BACE2: variants seen among roughly 807,000 people sequenced by gnomAD.
The protein encoded by BACE2 is beta-secretase 2.
A neutral mutation model predicts 46.2 loss-of-function variants in BACE2; 17 were observed. That is an observed-to-expected ratio of 0.37 (90% CI 0.25 to 0.55). BACE2 has a LOEUF of 0.55. Ranked by LOEUF, BACE2 falls within the 20% of genes least tolerant of loss-of-function variation. The pLI is 0.82. For missense variants in BACE2, 595 were observed against 698.1 expected (o/e 0.85, Z 1.66); for synonymous variants, 277 against 295.9 (o/e 0.94, Z 0.66).
intron 1 of BACE2, among the ~76,000 whole-genome samples, chr21:41,197,770 T>C (rs949619242): frequency 2.6e-5 from 4 of 152,174 alleles, no homozygotes; most frequent in African/African-American, 9.7e-5. Context: ...ATGAGGAAAC[T>C]GAAGCACAGA....
chr21:41,207,586 G>A (rs1191004376), intron 1 of BACE2, among the ~76,000 whole-genome samples: 1 of 152,128 alleles, frequency 6.6e-6, no homozygotes, highest in Admixed American at 6.5e-5. Context: ...GCTCTATAGA[G>A]AAAGCACTCC....
chr21:41,214,891 A>T (rs1002510823), intron 1 of BACE2, among the ~76,000 whole-genome samples: 2 of 146,972 alleles, frequency 1.4e-5, no homozygotes, highest in Non-Finnish European at 3.1e-5. Context: ...GGGGCACAGA[A>T]GCCTTGGGAA....
chr21:41,171,484 G>A (rs1984607862), intron 1 of BACE2, among the ~76,000 whole-genome samples: 1 of 152,234 alleles, frequency 6.6e-6, no homozygotes, highest in African/African-American at 2.4e-5. Flanking sequence ...TGCAAGGCGT[G>A]TGTGCTGGCA....
intron 1 of BACE2, among the ~76,000 whole-genome samples, chr21:41,191,454 G>T (rs1482196532): frequency 6.6e-6 from 1 of 152,212 alleles, no homozygotes; most frequent in Non-Finnish European, 1.5e-5. Flanking sequence ...AGCATTGTGT[G>T]CAGGATAGGC....
chr21:41,226,353 A>G lies in BACE2; in HGVS notation c.400A>G (p.Arg134Gly). The change falls in exon 2 of 9, where the codon AGG becomes GGG. Residue 134 changes from arginine (R) to glycine (G), a missense_variant and splice_region_variant. By Grantham distance (125) the Arg-to-Gly change is moderately radical (BLOSUM62 -2). Around this residue, in one of 3 missense-constraint regions of BACE2, gnomAD observed 248 missense variants for 261.4 expected, o/e 0.95. Transcript: ENST00000330333. ...CATAGACACGTACTTTGACACAGAG[A>G]GGTAAGCGCTGGCCCCTTGGCTGGT... is the stretch of plus-strand genomic sequence containing the variant. The part of the protein sequence containing the change: ...SYIDTYFDTE[R>G]SSTYRSKGFD... The G allele has an allele frequency of 6.2e-7, 1 of 1,613,238 alleles. No homozygotes were observed. Among genetic ancestry groups the G allele is most frequent in the Admixed American group, 1.7e-5 (1 of 59,856 alleles).
In BACE2 at chr21:41,281,859, G is replaced by A. The variant is rs2297276; in HGVS notation, c.*6235G>A. ...TCATCTCTCACATTTATATCAGTGA[G>A]GTTTGAAATTCTGTGTAGCAGTTAC... On this transcript the variant is annotated 3_prime_UTR_variant, in exon 9 of 9. Coordinates refer to ENST00000330333, the MANE Select transcript of BACE2 (RefSeq NM_012105.5). 7 of 152,240 alleles carry A rather than the reference G, an allele frequency of 4.6e-5. No homozygotes were observed. The East Asian group carries it at 1.2e-3, about 25-fold the overall frequency. 9.4% of individuals were successfully genotyped at this position (152,240 alleles called of 1,614,324 possible).
intron 1 of BACE2, among the ~76,000 whole-genome samples, chr21:41,199,537 G>A (rs1450383543): frequency 2.6e-5 from 4 of 152,166 alleles, no homozygotes; most frequent in Admixed American, 6.5e-5. Context: ...GGTTGCCCAA[G>A]GAGTAGGGCA....
intron 4 of BACE2, 37 bp from the exon 5 acceptor site, chr21:41,243,339 T>C: frequency 2.0e-6 from 3 of 1,527,198 alleles, no homozygotes; most frequent in Non-Finnish European, 2.6e-6. Context: ...TGTCTGTGTA[T>C]TTTTTCTCTT....
chr21:41,248,133 C>G (rs1012301662), intron 6 of BACE2, among the ~76,000 whole-genome samples: 1 of 152,214 alleles, frequency 6.6e-6, no homozygotes, highest in Non-Finnish European at 1.5e-5. Context: ...GGCACCGAGA[C>G]CTGGGCTCGT....
rs1158778775 is a variant in BACE2, at chr21:41,280,705, T to C, written c.*5081T>C. 6.6e-6 allele frequency: 1 copy of C among 152,236 alleles called. No individual in the cohort carries two copies. Among genetic ancestry groups the C allele is most frequent in the Non-Finnish European group, 1.5e-5 (1 of 68,048 alleles). The allele number at this position is 152,236 out of a possible 1,614,324, so 9.4% of individuals were successfully genotyped here. On this transcript the variant is annotated 3_prime_UTR_variant, in exon 9 of 9. Transcript: ENST00000330333. ...CGCTGCTTAGTGCTGCCAGCGAACC[T>C]CAGGTTGCATCAGTGGCTGGAATCT... is the stretch of plus-strand genomic sequence containing the variant.
intron 7 of BACE2, among the ~76,000 whole-genome samples, chr21:41,256,383 T>C (rs1005366885): frequency 2.0e-5 from 3 of 152,208 alleles, no homozygotes; most frequent in Non-Finnish European, 4.4e-5. Context: ...GAATGATGGT[T>C]TTCAGCTTTA....
intron 1 of BACE2, among the ~76,000 whole-genome samples, chr21:41,225,878 G>A (rs1478768135): frequency 3.3e-5 from 5 of 152,144 alleles, no homozygotes; most frequent in Admixed American, 1.3e-4. Flanking sequence ...GTTTCCAGGC[G>A]AGATTTGGAA....
At chr21:41,240,642 G>T (rs1453272165) in intron 3 of BACE2, among the ~76,000 whole-genome samples, 1 of 152,200 alleles carries the variant, frequency 6.6e-6, no homozygotes, top group Non-Finnish European at 1.5e-5. Context: ...AACACCAGCT[G>T]GGGGCACCCC....
At chr21:41,259,770 ACT>A (rs1393327776) in intron 8 of BACE2, among the ~76,000 whole-genome samples, 1 of 148,762 alleles carries the variant, frequency 6.7e-6, no homozygotes, top group African/African-American at 2.5e-5. Context: ...AAATGTCACA[ACT>A]CTCTATCACC....
At chr21:41,180,675 A>C (rs1054525494) in intron 1 of BACE2, 2 of 167,108 alleles carry the variant, frequency 1.2e-5, no homozygotes, top group Non-Finnish European at 2.9e-5. Flanking sequence ...AACAGGTGAG[A>C]CTTGGGAAGG....
chr21:41,260,128 C>T (rs1987896530), intron 8 of BACE2, among the ~76,000 whole-genome samples: 1 of 151,544 alleles, frequency 6.6e-6, no homozygotes, highest in Non-Finnish European at 1.5e-5. Context: ...CATATGCCAC[C>T]ACACCCAGCC....
intron 2 of BACE2, chr21:41,236,687 C>T (rs550766916): frequency 6.6e-6 from 1 of 152,356 alleles, no homozygotes; most frequent in African/African-American, 2.4e-5. Context: ...CATTATTTGT[C>T]ACATGAGTTG....
intron 1 of BACE2, among the ~76,000 whole-genome samples, chr21:41,194,843 T>G (rs1283742784): frequency 6.6e-6 from 1 of 152,264 alleles, no homozygotes. Flanking sequence ...TTTGCCATTC[T>G]TTTCCTTTCT....
chr21:41,182,463 G>A (rs1327441952), intron 1 of BACE2: 1 of 166,890 alleles, frequency 6.0e-6, no homozygotes, highest in Non-Finnish European at 1.5e-5. Flanking sequence ...TTCCTTTGTG[G>A]GGAAGGACAG....
Sources: allele counts gnomAD v4.1 joint callset (sites outside exome capture counted in the v4.1 genomes callset), GRCh38; gene constraint gnomAD v4.1.1; regional missense constraint gnomAD v4.1.1; transcripts MANE v1.5; gene names NCBI Gene and HGNC (gene_info 2026-07-23, HGNC 2026-07-21).